The following PRIM2 variants were observed in gnomAD, a reference collection of about 807,000 sequenced individuals.
PRIM2 encodes the protein DNA primase large subunit.
PRIM2 carries 39 observed loss-of-function variants against 67.3 expected under a neutral mutation model. The ratio of observed to expected loss-of-function variants is 0.58; its 90% CI spans 0.45 to 0.76. PRIM2 has a LOEUF of 0.76. Ranked by LOEUF, PRIM2 falls within the 30% of genes least tolerant of loss-of-function variation. PRIM2 has a pLI of 0.00. For synonymous variants in PRIM2, 143 were observed against 198.7 expected, an observed-to-expected ratio of 0.72 and a Z score of 2.36; for missense variants, 398 against 598.7, an observed-to-expected ratio of 0.66 and a Z score of 3.50.
chr6:57,260,563 C>T, the PRIM2 span, among the ~76,000 whole-genome samples: 1 of 152,134 alleles, frequency 6.6e-6, no homozygotes, highest in Admixed American at 6.5e-5. Flanking sequence ...GAAATTATAG[C>T]ATGATGTCAT....
At chr6:57,384,039 A>C (rs1332931591) in intron 7 of PRIM2, among the ~76,000 whole-genome samples, 1 of 152,238 alleles carries the variant, frequency 6.6e-6, no homozygotes, top group Non-Finnish European at 1.5e-5. Flanking sequence ...TATGGACTTC[A>C]GACATAGCTT....
rs1372387866 is a variant in PRIM2 at position 57,587,608 on chromosome 6, G to C, written c.1021-13485G>C. Among the ~76,000 whole-genome samples, 204 of 127,716 alleles carry C rather than the reference G, an allele frequency of 1.6e-3. 4 individuals are homozygous for C. The East Asian group carries it at 0.024, about 15-fold the overall frequency. 83.8% of individuals were successfully genotyped at this position (127,716 alleles called of 152,430 possible). ...GAACTCGGGAGGCAGAGCTTTCAGTGAGCTGAGATCAAGCCACTGTACTCC... is the reference window on the plus strand; with the variant it reads ...GAACTCGGGAGGCAGAGCTTTCAGTCAGCTGAGATCAAGCCACTGTACTCC... On this transcript the variant is annotated intron_variant, in intron 10 of 13. Transcript: ENST00000615550.
chr6:57,416,683 A>G (rs1226795329), intron 7 of PRIM2, among the ~76,000 whole-genome samples: 4 of 152,134 alleles, frequency 2.6e-5, no homozygotes, highest in Non-Finnish European at 1.5e-5. Flanking sequence ...GATCTTAGCT[A>G]GATATTCTGG....
At chr6:57,607,200 T>C (rs1325080485) in intron 12 of PRIM2, among the ~76,000 whole-genome samples, 1 of 152,192 alleles carries the variant, frequency 6.6e-6, no homozygotes, top group African/African-American at 2.4e-5. Flanking sequence ...GTTATTTTTA[T>C]TTAAAGAAAA....
chr6:57,322,950 G>C (rs1202654845), intron 3 of PRIM2, among the ~76,000 whole-genome samples: 1 of 152,164 alleles, frequency 6.6e-6, no homozygotes, highest in Non-Finnish European at 1.5e-5. Flanking sequence ...GGAAGGAGAT[G>C]ATTTTGTGTC....
At chr6:57,532,647 A>G (rs1439406967) in intron 9 of PRIM2, among the ~76,000 whole-genome samples, 164 bp downstream of exon 9, 1 of 152,226 alleles carries the variant, frequency 6.6e-6, no homozygotes, top group Admixed American at 6.5e-5. Context: ...AAAAAAAATC[A>G]TAAGAAAATC....
chr6:57,260,195 T>C, the PRIM2 span, among the ~76,000 whole-genome samples: 1 of 152,190 alleles, frequency 6.6e-6, no homozygotes, highest in South Asian at 2.1e-4. Flanking sequence ...TCTTTGCATT[T>C]AAGAAGTAGA....
chr6:57,565,013 G>C (rs1424734585), intron 10 of PRIM2, among the ~76,000 whole-genome samples: 1 of 152,122 alleles, frequency 6.6e-6, no homozygotes, highest in African/African-American at 2.4e-5. Context: ...TCCTAATTTA[G>C]AATGTGGATT....
chr6:57,277,631 T>A, the PRIM2 span, among the ~76,000 whole-genome samples: 1 of 152,074 alleles, frequency 6.6e-6, no homozygotes, highest in South Asian at 2.1e-4. Context: ...GAAAATGAGT[T>A]GATTTCAGAG....
At chr6:57,343,086 T>G (rs986744412) in intron 5 of PRIM2, among the ~76,000 whole-genome samples, 1 of 152,238 alleles carries the variant, frequency 6.6e-6, no homozygotes, top group African/African-American at 2.4e-5. Context: ...CAGTTAACAT[T>G]GGAACATTGA....
intron 5 of PRIM2, among the ~76,000 whole-genome samples, chr6:57,328,020 T>C (rs1248203006): frequency 1.3e-5 from 2 of 152,128 alleles, no homozygotes; most frequent in African/African-American, 4.8e-5. Context: ...ATCTAATGCC[T>C]CCACTAATCT....
the PRIM2 span, among the ~76,000 whole-genome samples, chr6:57,282,239 T>C: frequency 1.3e-5 from 2 of 152,198 alleles, no homozygotes; most frequent in African/African-American, 4.8e-5. Context: ...TCTTCTCCCT[T>C]CTTATGTATT....
chr6:57,226,968 T>A, the PRIM2 span, among the ~76,000 whole-genome samples: 1 of 152,212 alleles, frequency 6.6e-6, no homozygotes, highest in East Asian at 1.9e-4. Flanking sequence ...AATTCCTTTT[T>A]GTTTTGTCCT....
intron 5 of PRIM2, among the ~76,000 whole-genome samples, chr6:57,334,385 T>G (rs1437119785): frequency 3.9e-5 from 6 of 152,256 alleles, no homozygotes; most frequent in Non-Finnish European, 7.3e-5. Flanking sequence ...TGTGCAGATG[T>G]CTTCAGCATA....
intron 7 of PRIM2, among the ~76,000 whole-genome samples, chr6:57,458,284 T>TA (rs1431333955): frequency 5.9e-5 from 9 of 152,174 alleles, no homozygotes; most frequent in African/African-American, 2.2e-4. Context: ...AATCAAAAGT[T>TA]ACGTATCACC....
Position 57,537,511 on chromosome 6 carries a change from T to C in PRIM2, c.906T>C (p.Arg302=). 1 of 1,571,208 alleles carries C rather than the reference T, an allele frequency of 6.4e-7. No homozygotes were observed. Among genetic ancestry groups the C allele is most frequent in the South Asian group, 1.1e-5 (1 of 88,052 alleles). Residue 302 remains arginine, a synonymous_variant, in exon 10 of 14, where the codon CGT becomes CGC. Coordinates refer to ENST00000615550, the MANE Select transcript of PRIM2 (RefSeq NM_000947.5). Reference sequence around the variant, plus strand: ...CCTTGCGGGAAAATCACCATCTTCGTCATGGAGGCCGAATGCAGTATGGCC... The same window carrying C: ...CCTTGCGGGAAAATCACCATCTTCGCCATGGAGGCCGAATGCAGTATGGCC... ...HKALRENHHL[R]HGGRMQYGLF... is the part of the protein sequence containing the mutation.
intron 8 of PRIM2, among the ~76,000 whole-genome samples, chr6:57,526,899 A>G (rs2127466301): frequency 6.6e-6 from 1 of 152,286 alleles, no homozygotes; most frequent in South Asian, 2.1e-4. Flanking sequence ...TCAAATCATG[A>G]AAATAAGAAT....
At chr6:57,629,392 G>A (rs1182139376) in intron 12 of PRIM2, among the ~76,000 whole-genome samples, 1 of 152,142 alleles carries the variant, frequency 6.6e-6, no homozygotes, top group East Asian at 1.9e-4. Flanking sequence ...TATATGATAG[G>A]TTTGTTTTTC....
chr6:57,527,464 C>T (rs1774781872), intron 8 of PRIM2, among the ~76,000 whole-genome samples: 2 of 152,206 alleles, frequency 1.3e-5, no homozygotes, highest in East Asian at 1.9e-4. Context: ...CTTCCTTTCT[C>T]CATCGTTACC....
Sources: allele counts gnomAD v4.1 joint callset (sites outside exome capture counted in the v4.1 genomes callset), GRCh38; gene constraint gnomAD v4.1.1; transcripts MANE v1.5; gene names NCBI Gene and HGNC (gene_info 2026-07-23, HGNC 2026-07-21).